Variants in ARMH4 observed in about 807,000 individuals in gnomAD.
The protein encoded by ARMH4 is armadillo like helical domain containing 4, also known as armadillo-like helical domain-containing protein 4.
A neutral mutation model predicts 61.9 loss-of-function variants in ARMH4; 49 were observed. The ratio of observed to expected loss-of-function variants is 0.79; its 90% CI spans 0.63 to 1.00. The LOEUF is 1.00. Among genes scored for constraint, ARMH4 ranks in the 50% least tolerant of loss-of-function variants. The probability of loss-of-function intolerance (pLI) is 0.00; values close to 1 mark genes in which losing one functional copy is unlikely to be tolerated. For missense variants in ARMH4, 934 were observed against 930.0 expected (o/e 1.00, Z -0.06); for synonymous variants, 368 against 341.5 (o/e 1.08, Z -0.85).
At chr14:58,111,635 C>T (rs1450498417) in intron 4 of ARMH4, among the ~76,000 whole-genome samples, 1 of 152,064 alleles carries the variant, frequency 6.6e-6, no homozygotes, top group African/African-American at 2.4e-5. Flanking sequence ...CCTTACATGA[C>T]ATTTCCTCTC....
intron 4 of ARMH4, among the ~76,000 whole-genome samples, chr14:58,119,048 A>G (rs1009590364): frequency 3.9e-5 from 6 of 152,230 alleles, no homozygotes; most frequent in Non-Finnish European, 8.8e-5. Context: ...GTCTAGAGAT[A>G]AGCAATGTAG....
intron 5 of ARMH4, among the ~76,000 whole-genome samples, chr14:58,048,758 A>G (rs1884023706): frequency 6.6e-6 from 1 of 152,236 alleles, no homozygotes; most frequent in African/African-American, 2.4e-5. Context: ...AGGGAGAGCC[A>G]AGGAAAATAA....
rs1283274048 is a variant in ARMH4 at position 58,041,741 on chromosome 14, T to G, written c.2090-29591A>C. 2.6e-5 allele frequency among the ~76,000 whole-genome samples: 4 copies of G among 151,840 alleles called. No individual in the cohort carries two copies. In the East Asian group the frequency reaches 7.8e-4, roughly 29 times the overall value. The stretch of plus-strand genomic sequence containing the variant: ...CACACATAGGATCAAAATAAAGGGA[T>G]GGAGGAAGATCTACCAAGCAAATGG... On this transcript the variant is annotated intron_variant, in intron 5 of 7. Transcript: ENST00000267485.
chr14:58,039,906 G>T (rs976193411), intron 5 of ARMH4, among the ~76,000 whole-genome samples: 28 of 152,240 alleles, frequency 1.8e-4, no homozygotes, highest in African/African-American at 6.5e-4. Flanking sequence ...ATAGGAAAGT[G>T]GGACAAAGAC....
chr14:58,114,697 T>C (rs1453489680), intron 4 of ARMH4, among the ~76,000 whole-genome samples: 1 of 152,178 alleles, frequency 6.6e-6, no homozygotes, highest in Non-Finnish European at 1.5e-5. Context: ...CATAAGAGAA[T>C]CTGTAATCTG....
At chr14:58,063,790 A>C (rs1884612668) in intron 5 of ARMH4, among the ~76,000 whole-genome samples, 3 of 152,208 alleles carry the variant, frequency 2.0e-5, no homozygotes. Flanking sequence ...GGTAGCTCTC[A>C]ATCACACAGA....
At chr14:58,058,078 T>C (rs766179324) in intron 5 of ARMH4, among the ~76,000 whole-genome samples, 10 of 152,186 alleles carry the variant, frequency 6.6e-5, no homozygotes, top group Admixed American at 4.6e-4. Context: ...CAAAGGAAGA[T>C]AGTATAGTCA....
chr14:58,151,282 G>A (rs890837748), intron 1 of ARMH4, among the ~76,000 whole-genome samples: 3 of 151,406 alleles, frequency 2.0e-5, no homozygotes, highest in African/African-American at 7.3e-5. Context: ...CTCCTCGCCA[G>A]CCAAGGTTCT....
intron 5 of ARMH4, among the ~76,000 whole-genome samples, chr14:58,094,019 G>A (rs1379768369): frequency 1.2e-4 from 19 of 152,046 alleles, no homozygotes; most frequent in Admixed American, 1.2e-3. Context: ...TACTAAACTG[G>A]TATCACTAAT....
chr14:58,004,691 A>G lies in ARMH4; in HGVS notation c.*45T>C. 1.4e-6 allele frequency: 2 copies of G among 1,428,700 alleles called. No individual in the cohort carries two copies. The highest frequency in any genetic ancestry group is 1.9e-6 in the Non-Finnish European group (2 of 1,032,526). 88.5% of individuals were successfully genotyped at this position (1,428,700 alleles called of 1,614,324 possible). A position where few individuals can be genotyped will look rare whatever the true frequency, so the allele number is the denominator to read the frequency against. ...TTTTTTCTGCTCCAAAATAAAAATT[A>G]GAATAGTAGCATCGTTGAATATCCC... On this transcript the variant is annotated 3_prime_UTR_variant, in exon 8 of 8. Coordinates refer to ENST00000267485, the MANE Select transcript of ARMH4 (RefSeq NM_001001872.4).
intron 5 of ARMH4, among the ~76,000 whole-genome samples, chr14:58,054,713 C>A (rs1884266791): frequency 6.6e-6 from 1 of 151,970 alleles, no homozygotes; most frequent in Admixed American, 6.6e-5. Flanking sequence ...GCCTGGCCAA[C>A]ATGGTGAAAC....
intron 5 of ARMH4, among the ~76,000 whole-genome samples, chr14:58,085,744 T>C (rs557699931): frequency 6.6e-6 from 1 of 152,312 alleles, no homozygotes; most frequent in East Asian, 1.9e-4. Context: ...AAAATCAAGA[T>C]AGATAATTTG....
chr14:58,084,085 G>C (rs371537370), intron 5 of ARMH4, among the ~76,000 whole-genome samples: 1 of 152,178 alleles, frequency 6.6e-6, no homozygotes, highest in South Asian at 2.1e-4. Flanking sequence ...TAAGAGAAGA[G>C]TGAAGCCTCT....
intron 4 of ARMH4, among the ~76,000 whole-genome samples, chr14:58,115,730 C>T (rs1725976573): frequency 6.6e-6 from 1 of 152,154 alleles, no homozygotes; most frequent in Admixed American, 6.5e-5. Context: ...GAATACTATG[C>T]AGCCATAAAA....
At chr14:58,141,402 G>C in intron 1 of ARMH4, 1 of 533,802 alleles carries the variant, frequency 1.9e-6, no homozygotes, top group South Asian at 1.5e-5. Flanking sequence ...CTGACCAGCA[G>C]CGTCTGATAT....
chr14:58,071,667 T>G (rs1029324429), intron 5 of ARMH4, among the ~76,000 whole-genome samples: 1 of 152,210 alleles, frequency 6.6e-6, no homozygotes, highest in Non-Finnish European at 1.5e-5. Context: ...ATCTTTCATA[T>G]ATCATATGCT....
intron 4 of ARMH4, among the ~76,000 whole-genome samples, chr14:58,130,962 C>A (rs1319452431): frequency 6.6e-6 from 1 of 152,190 alleles, no homozygotes; most frequent in Non-Finnish European, 1.5e-5. Flanking sequence ...CACCCCCCAC[C>A]ATCTTAATCT....
chr14:58,023,192 G>T (rs994190092), intron 5 of ARMH4, among the ~76,000 whole-genome samples: 1 of 152,264 alleles, frequency 6.6e-6, no homozygotes, highest in African/African-American at 2.4e-5. Flanking sequence ...ATTTTATGAA[G>T]GATTTCTCTA....
At chr14:58,046,574 C>G (rs1650225706) in intron 5 of ARMH4, among the ~76,000 whole-genome samples, 2 of 152,178 alleles carry the variant, frequency 1.3e-5, no homozygotes, top group Admixed American at 1.3e-4. Context: ...AAACCTGTTG[C>G]TTAGCAAAAT....
Sources: gnomAD v4.1 joint callset for allele counts (sites outside exome capture counted in the v4.1 genomes callset) on GRCh38, gnomAD v4.1.1 for gene constraint, MANE v1.5 for transcripts, NCBI Gene and HGNC (gene_info 2026-07-23, HGNC 2026-07-21) for gene names.